The following FER1L6 variants were observed in gnomAD, a reference collection of about 807,000 sequenced individuals.
The protein encoded by FER1L6 is fer-1-like protein 6.
In FER1L6, 177 loss-of-function variants were observed where a neutral mutation model predicts 219.2. That is an observed-to-expected ratio of 0.81 (90% confidence interval 0.71 to 0.91). The LOEUF (loss-of-function observed/expected upper bound fraction) is 0.91, where lower values mean the gene tolerates loss of function less well. Among genes scored for constraint, FER1L6 ranks in the 40% least tolerant of loss-of-function variants. FER1L6 has a pLI of 0.00. For synonymous variants in FER1L6, 768 were observed against 824.3 expected (o/e 0.93, Z 1.17); for missense variants, 2,153 against 2,259.9 (o/e 0.95, Z 0.96).
chr8:124,071,466 T>A lies in FER1L6; in HGVS notation c.3967-40T>A, dbSNP rs777409716. 5 of 1,611,850 alleles carry A rather than the reference T, an allele frequency of 3.1e-6. No individual in the cohort carries two copies. The South Asian group carries it at 5.5e-5, about 18-fold the overall frequency. ...TCTCTGTGGGTTTTGGTGGGACATA[T>A]GACCATCTCATTTCAATGGGTTGCG... On this transcript the variant is annotated intron_variant, in intron 30 of 40. Transcript: ENST00000522917.
chr8:124,076,299 T>TA lies in FER1L6; in HGVS notation c.4197dup (p.Gln1400ThrfsTer11). ...TCAAAGACCGGGATAAATACATCCC[T>TA]AAACAACTGAACCCAGTATTTGGAA... is the stretch of plus-strand genomic sequence containing the variant. On this transcript the variant is annotated frameshift_variant, in exon 32 of 41. Coordinates refer to ENST00000522917, the MANE Select transcript of FER1L6 (RefSeq NM_001039112.2). LOFTEE classifies it high-confidence loss of function. 1 of 1,613,694 alleles carries TA rather than the reference T, an allele frequency of 6.2e-7. No homozygotes were observed. The highest frequency in any genetic ancestry group is 8.5e-7 in the Non-Finnish European group (1 of 1,179,574).
chr8:124,040,140 A>G (rs1187525742), intron 20 of FER1L6, 134 bp downstream of exon 20: 22 of 1,185,406 alleles, frequency 1.9e-5, no homozygotes, highest in Non-Finnish European at 2.5e-5. Flanking sequence ...TTCAGACTGA[A>G]AAGCGAATAT....
chr8:124,064,692 A>G (rs1820748607), intron 26 of FER1L6, 119 bp downstream of exon 26: 2 of 839,888 alleles, frequency 2.4e-6, no homozygotes, highest in Admixed American at 5.6e-5. Flanking sequence ...ATTTCTGAGT[A>G]TCGGTTCATC....
intron 1 of FER1L6, among the ~76,000 whole-genome samples, chr8:123,898,732 GTA>G (rs545901491): frequency 2.2e-5 from 3 of 135,052 alleles, no homozygotes; most frequent in African/African-American, 5.6e-5. Context: ...TGTATATATA[GTA>G]TATATACATA....
chr8:124,103,367 T>C (rs1822627656), intron 39 of FER1L6, 58 bp downstream of exon 39: 1 of 1,526,938 alleles, frequency 6.5e-7, no homozygotes, highest in Non-Finnish European at 9.0e-7. Context: ...ATCATGCTTT[T>C]CCACTGAGTC....
At position 123,853,347 on chromosome 8, in the gene FER1L6, G is replaced by A. The variant is rs945350139; in HGVS notation, c.-8+1162G>A. On this transcript the variant is annotated intron_variant, in intron 1 of 40. Coordinates refer to ENST00000522917, the MANE Select transcript of FER1L6 (RefSeq NM_001039112.2). This position sits in a 1 kb window ranked among gnomAD's most constrained non-coding sequence, Gnocchi z 6.6. The stretch of plus-strand genomic sequence containing the variant: ...TTTCTGTATTTTTAGAGAAGACGGG[G>A]TTTCACCATGACGGCCAGGATGGTC... Among the ~76,000 whole-genome samples the A allele has an allele frequency of 2.0e-5, 3 of 152,028 alleles. No individual in the cohort carries two copies. The highest frequency in any genetic ancestry group is 4.4e-5 in the Non-Finnish European group (3 of 68,022).
intron 19 of FER1L6, among the ~76,000 whole-genome samples, chr8:124,037,084 G>A (rs1819251402): frequency 6.6e-6 from 1 of 152,322 alleles, no homozygotes; most frequent in African/African-American, 2.4e-5. Flanking sequence ...TGAGGAGGGT[G>A]ACTAGATTAG....
chr8:123,954,500 G>A (rs752116669), intron 1 of FER1L6, among the ~76,000 whole-genome samples: 10 of 152,186 alleles, frequency 6.6e-5, no homozygotes, highest in Non-Finnish European at 1.0e-4. Context: ...TGAATGAGTT[G>A]AGTGAACATC....
At chr8:124,078,842 A>C (rs1478352561) in intron 32 of FER1L6, among the ~76,000 whole-genome samples, 1 of 152,136 alleles carries the variant, frequency 6.6e-6, no homozygotes, top group Admixed American at 6.6e-5. Flanking sequence ...CAGAGGAGAG[A>C]CAGAGAATTT....
chr8:123,975,923 C>G lies in FER1L6; in HGVS notation c.709C>G (p.Pro237Ala). Residue 237 changes from proline (P) to alanine (A), a missense_variant, in exon 9 of 41, where the codon CCA (proline) becomes GCA (alanine). Pro to Ala is a conservative substitution (Grantham distance 27, BLOSUM62 -1). Coordinates refer to ENST00000522917, the MANE Select transcript of FER1L6 (RefSeq NM_001039112.2). The part of the protein sequence containing the change: ...EKNLLIPNGF[P>A]LERPWARFYV... The stretch of plus-strand genomic sequence containing the variant: ...GAACCTTTTGATCCCCAATGGGTTT[C>G]CACTGGAGAGACCGTGGGCCAGATT... 6.2e-7 allele frequency: 1 copy of G among 1,611,896 alleles called. No homozygotes were observed. The highest frequency in any genetic ancestry group is 8.5e-7 in the Non-Finnish European group (1 of 1,178,980).
chr8:124,105,697 ATTGTG>A (rs1822740808), intron 39 of FER1L6, among the ~76,000 whole-genome samples: 1 of 152,208 alleles, frequency 6.6e-6, no homozygotes, highest in Non-Finnish European at 1.5e-5. Context: ...AAAAAGCAGC[ATTGTG>A]AATGTCCATA....
rs1361038508 is a variant in FER1L6, at chr8:124,003,372, A to T, written c.1700+25A>T. 1.9e-6 allele frequency: 3 copies of T among 1,569,920 alleles called. No homozygotes were observed. The African/African-American group carries it at 4.1e-5, about 21-fold the overall frequency. On this transcript the variant is annotated intron_variant, in intron 13 of 40. Coordinates refer to ENST00000522917, the MANE Select transcript of FER1L6 (RefSeq NM_001039112.2). ...GGTAGGAGACATAGCCTGGGAGAAC[A>T]GTCAAGGATTTTGCTGGTGGAATTT...
chr8:123,880,996 T>A (rs1817099070), intron 1 of FER1L6, among the ~76,000 whole-genome samples: 1 of 152,118 alleles, frequency 6.6e-6, no homozygotes, highest in Admixed American at 6.6e-5. Flanking sequence ...CCCAAACCCT[T>A]CCCCTTGGGA....
intron 2 of FER1L6, among the ~76,000 whole-genome samples, chr8:123,960,308 G>C (rs1462703646): frequency 6.6e-6 from 1 of 152,170 alleles, no homozygotes; most frequent in African/African-American, 2.4e-5. Context: ...AAGTCTGGTT[G>C]AGAAGCAGTT....
In FER1L6 at chr8:124,076,246, A is replaced by C. The variant is rs768868164; in HGVS notation, c.4141A>C (p.Ile1381Leu). Residue 1381 changes from isoleucine (I) to leucine (L), a missense_variant, in exon 32 of 41, where the codon ATT becomes CTT. By Grantham distance (5) the Ile-to-Leu change is conservative (BLOSUM62 2). Transcript: ENST00000522917. ...ADPDGKSDPY[I>L]VIKLGKTEIK... is the part of the protein sequence containing the mutation. The stretch of plus-strand genomic sequence containing the variant: ...TCCAGATGGCAAATCAGATCCCTAC[A>C]TTGTGATCAAGCTTGGCAAGACAGA... The C allele has an allele frequency of 1.9e-6, 3 of 1,613,960 alleles. No individual in the cohort carries two copies. The Admixed American group carries it at 5.0e-5, about 27-fold the overall frequency.
rs560564741 is a variant in FER1L6, at chr8:124,068,672, G to A, written c.3719-688G>A. Among the ~76,000 whole-genome samples the A allele has an allele frequency of 7.9e-5, 12 of 152,270 alleles. No individual in the cohort carries two copies. In the South Asian group the frequency reaches 2.3e-3, roughly 29 times the overall value. Reference sequence around the variant, plus strand: ...TGGAGTCAGTCCAAGTTCTGAGTCTGTTCTTTGCTAGTTGGGTGAATGGGC... The same window carrying A: ...TGGAGTCAGTCCAAGTTCTGAGTCTATTCTTTGCTAGTTGGGTGAATGGGC... On this transcript the variant is annotated intron_variant, in intron 28 of 40. Coordinates refer to ENST00000522917, the MANE Select transcript of FER1L6 (RefSeq NM_001039112.2).
At chr8:123,893,614 T>C (rs889245602) in intron 1 of FER1L6, among the ~76,000 whole-genome samples, 1 of 152,234 alleles carries the variant, frequency 6.6e-6, no homozygotes, top group African/African-American at 2.4e-5. Context: ...ATGTGTTTAT[T>C]TGCATACATT....
chr8:123,935,075 T>C (rs1008818522), intron 1 of FER1L6, among the ~76,000 whole-genome samples: 8 of 152,220 alleles, frequency 5.3e-5, no homozygotes, highest in African/African-American at 1.4e-4. Context: ...ACAGCCTTCA[T>C]TGATGATTCT....
At chr8:124,024,046 A>G (rs895637581) in intron 18 of FER1L6, among the ~76,000 whole-genome samples, 1 of 151,684 alleles carries the variant, frequency 6.6e-6, no homozygotes, top group African/African-American at 2.4e-5. Flanking sequence ...ACAGATGCCC[A>G]CCACCATGCC....
Sources: gnomAD v4.1 joint callset for allele counts (sites outside exome capture counted in the v4.1 genomes callset) on GRCh38, gnomAD v4.1.1 for gene constraint, Gnocchi (gnomAD v3.1) non-coding constraint, MANE v1.5 for transcripts, NCBI Gene and HGNC (gene_info 2026-07-23, HGNC 2026-07-21) for gene names.